The following GALNTL6 variants were observed in gnomAD, a reference collection of about 807,000 sequenced individuals.
The protein encoded by GALNTL6 is polypeptide N-acetylgalactosaminyltransferase-like 6.
A neutral mutation model predicts 73.7 loss-of-function variants in GALNTL6; 46 were observed. The ratio of observed to expected loss-of-function variants is 0.62; its 90% CI spans 0.49 to 0.80. GALNTL6 has a LOEUF of 0.80. Among genes scored for constraint, GALNTL6 ranks in the 30% least tolerant of loss-of-function variants. The probability of loss-of-function intolerance (pLI) is 0.00; values close to 1 mark genes in which losing one functional copy is unlikely to be tolerated. For missense variants in GALNTL6, 604 were observed against 755.0 expected (o/e 0.80, Z 2.34); for synonymous variants, 259 against 263.7 (o/e 0.98, Z 0.17).
rs543890765 is a variant in GALNTL6, at chr4:172,294,105, T to C, written c.248-17509T>C. 5.7e-4 allele frequency among the ~76,000 whole-genome samples: 87 copies of C among 151,990 alleles called. 1 individual carries two copies. The highest frequency in any genetic ancestry group is 1.9e-3 in the African/African-American group (77 of 41,548). On this transcript the variant is annotated intron_variant, in intron 3 of 12. Transcript: ENST00000506823. ...ACAAATAAGAGATTATAAAATTATT[T>C]ATTTTATTAGTCTTTTACTTCTTTA...
chr4:173,019,532 T>G (rs1202275780), intron 11 of GALNTL6, among the ~76,000 whole-genome samples: 4 of 152,168 alleles, frequency 2.6e-5, no homozygotes, highest in African/African-American at 9.7e-5. Flanking sequence ...AAAATCTGAA[T>G]AGACATTTCC....
intron 7 of GALNTL6, among the ~76,000 whole-genome samples, chr4:172,838,235 A>T (rs538079439): frequency 6.6e-6 from 1 of 152,324 alleles, no homozygotes; most frequent in South Asian, 2.1e-4. Flanking sequence ...TGTGAAGGTG[A>T]TCAGGAATTT....
chr4:172,951,969 G>C (rs1284312207), intron 9 of GALNTL6, 68 bp from the exon 10 acceptor site: 2 of 1,297,862 alleles, frequency 1.5e-6, no homozygotes, highest in Admixed American at 4.2e-5. Context: ...TTCAATTTCT[G>C]GTGCAACAAA....
intron 5 of GALNTL6, among the ~76,000 whole-genome samples, chr4:172,749,166 A>G (rs1737284467): frequency 6.6e-6 from 1 of 152,008 alleles, no homozygotes; most frequent in Non-Finnish European, 1.5e-5. Context: ...ATTATTTGTC[A>G]ATTAAAAATT....
chr4:172,440,744 C>T (rs1184762806), intron 5 of GALNTL6, among the ~76,000 whole-genome samples: 1 of 151,298 alleles, frequency 6.6e-6, no homozygotes, highest in Non-Finnish European at 1.5e-5. Context: ...ATCTCTGTAC[C>T]TTCCTTCTAA....
At chr4:172,613,706 T>A (rs756426871) in intron 5 of GALNTL6, among the ~76,000 whole-genome samples, 23 of 152,190 alleles carry the variant, frequency 1.5e-4, no homozygotes, top group Non-Finnish European at 3.2e-4. Context: ...AAATACCATA[T>A]TTTTTGAATA....
At chr4:172,803,459 A>G (rs557330512) in intron 5 of GALNTL6, among the ~76,000 whole-genome samples, 11 of 152,280 alleles carry the variant, frequency 7.2e-5, no homozygotes, top group African/African-American at 2.2e-4. Flanking sequence ...CCCAGCCCCC[A>G]TGGAAAAATT....
intron 2 of GALNTL6, among the ~76,000 whole-genome samples, chr4:172,123,417 A>G (rs1256151633): frequency 2.5e-5 from 3 of 118,910 alleles, no homozygotes; most frequent in African/African-American, 1.1e-4. Context: ...TGTATTAACT[A>G]CGATAGCTTA....
intron 2 of GALNTL6, among the ~76,000 whole-genome samples, chr4:172,057,721 AAAAAAAATATATATATAT>A (rs1443485333): frequency 1.7e-4 from 10 of 58,620 alleles, no homozygotes; most frequent in African/African-American, 4.7e-4. Flanking sequence ...AAAAAAAAAA[AAAAAAAATATATATATAT>A]ATATATATAT....
At position 173,021,391 on chromosome 4, in the gene GALNTL6, G is replaced by A. The variant is rs1229481827; in HGVS notation, c.1489-85G>A. 3 of 1,380,528 alleles carry A rather than the reference G, an allele frequency of 2.2e-6. No homozygotes were observed. The Admixed American group carries it at 5.3e-5, about 24-fold the overall frequency. 85.5% of individuals were successfully genotyped at this position (1,380,528 alleles called of 1,614,324 possible). On this transcript the variant is annotated intron_variant, in intron 11 of 12. Transcript: ENST00000506823. Reference sequence around the variant, plus strand: ...GATCACAAAGCAGGAGTTCTACATTGCTAAAAGACATACCTTCCCCCGCCC... The same window carrying A: ...GATCACAAAGCAGGAGTTCTACATTACTAAAAGACATACCTTCCCCCGCCC...
chr4:172,945,725 T>C (rs768161182), intron 9 of GALNTL6, among the ~76,000 whole-genome samples: 2 of 152,204 alleles, frequency 1.3e-5, no homozygotes, highest in African/African-American at 2.4e-5. Context: ...GGAAATTGCC[T>C]GTCAGAGAAG....
intron 2 of GALNTL6, among the ~76,000 whole-genome samples, chr4:171,823,050 A>T (rs1161941798): frequency 6.6e-6 from 1 of 152,176 alleles, no homozygotes; most frequent in Non-Finnish European, 1.5e-5. Context: ...GGATTTATAG[A>T]AAAAGAAACT....
At chr4:172,317,551 T>G (rs1449109626) in intron 4 of GALNTL6, among the ~76,000 whole-genome samples, 1 of 152,238 alleles carries the variant, frequency 6.6e-6, no homozygotes, top group Admixed American at 6.5e-5. Flanking sequence ...ACAATTTTAA[T>G]TGTAAATACA....
intron 5 of GALNTL6, among the ~76,000 whole-genome samples, chr4:172,771,631 A>AC (rs1738767711): frequency 6.6e-6 from 1 of 152,192 alleles, no homozygotes; most frequent in Non-Finnish European, 1.5e-5. Context: ...TGGGAAGTCA[A>AC]CATTTTTCTA....
At chr4:172,516,630 C>T (rs1734616191) in intron 5 of GALNTL6, among the ~76,000 whole-genome samples, 1 of 151,956 alleles carries the variant, frequency 6.6e-6, no homozygotes, top group South Asian at 2.1e-4. Flanking sequence ...AATTTTACCT[C>T]AATAGTGCTG....
At chr4:172,099,250 T>C (rs184918972) in intron 2 of GALNTL6, among the ~76,000 whole-genome samples, 38 of 152,280 alleles carry the variant, frequency 2.5e-4, no homozygotes, top group Admixed American at 3.9e-4. Context: ...AAACCAAATG[T>C]AATGGTCAGG....
At chr4:172,489,294 A>G (rs961054049) in intron 5 of GALNTL6, among the ~76,000 whole-genome samples, 1 of 152,224 alleles carries the variant, frequency 6.6e-6, no homozygotes, top group African/African-American at 2.4e-5. Flanking sequence ...ACACGCTCAG[A>G]TATATGAAAA....
intron 2 of GALNTL6, among the ~76,000 whole-genome samples, chr4:172,220,621 A>AT (rs565113082): frequency 5.9e-5 from 9 of 151,830 alleles, no homozygotes; most frequent in African/African-American, 2.2e-4. Flanking sequence ...ATTTTCATTA[A>AT]TTTTTTCCAA....
intron 3 of GALNTL6, among the ~76,000 whole-genome samples, chr4:172,256,570 C>A (rs1196989869): frequency 6.6e-6 from 1 of 151,338 alleles, no homozygotes; most frequent in East Asian, 1.9e-4. Flanking sequence ...CTCCCTTTCC[C>A]ACTCAGAATG....
Sources: gnomAD v4.1 joint callset for allele counts (sites outside exome capture counted in the v4.1 genomes callset) on GRCh38, gnomAD v4.1.1 for gene constraint, MANE v1.5 for transcripts, NCBI Gene and HGNC (gene_info 2026-07-23, HGNC 2026-07-21) for gene names.